Variants in MAD1L1 observed in about 807,000 individuals in gnomAD.
MAD1L1 encodes mitotic spindle assembly checkpoint protein MAD1.
Under a neutral mutation model 96.9 loss-of-function variants are expected in MAD1L1, and 95 were observed. The observed-to-expected ratio is 0.98, with a 90% CI of 0.83 to 1.16. The LOEUF (loss-of-function observed/expected upper bound fraction) is 1.16. MAD1L1 is among the 50% of genes most tolerant of loss of function. The pLI is 0.00. For missense variants in MAD1L1, 1,007 were observed against 954.4 expected, an observed-to-expected ratio of 1.06 and a Z score of -0.73; for synonymous variants, 473 against 396.6, an observed-to-expected ratio of 1.19 and a Z score of -2.29.
At chr7:1,847,413 T>C (rs535390105) in intron 18 of MAD1L1, 5 of 470,756 alleles carry the variant, frequency 1.1e-5, no homozygotes, top group East Asian at 1.4e-4. Flanking sequence ...GGGGGCCCGA[T>C]GTATCTACCA....
At chr7:2,152,173 C>T (rs1789609192) in intron 10 of MAD1L1, among the ~76,000 whole-genome samples, 1 of 152,264 alleles carries the variant, frequency 6.6e-6, no homozygotes, top group Admixed American at 6.5e-5. Context: ...CTCGGGAGCA[C>T]TGTCACGTGA....
intron 11 of MAD1L1, among the ~76,000 whole-genome samples, chr7:2,105,784 C>T (rs1421383355): frequency 6.6e-6 from 1 of 152,094 alleles, no homozygotes; most frequent in Admixed American, 6.5e-5. Context: ...CAGCCAAAAC[C>T]CCAGTACCAC....
chr7:1,888,478 A>ATG (rs1786310681), intron 18 of MAD1L1, among the ~76,000 whole-genome samples: 1 of 119,376 alleles, frequency 8.4e-6, no homozygotes, highest in Non-Finnish European at 1.7e-5. Flanking sequence ...CTGCCTGTTC[A>ATG]TGTGTGCATG....
intron 8 of MAD1L1, 22 bp from the exon 9 acceptor site, chr7:2,216,021 G>A (rs752965293): frequency 3.6e-5 from 58 of 1,612,606 alleles, no homozygotes; most frequent in South Asian, 5.5e-5. Context: ...ACAAAGAGTC[G>A]CTCAAATAGC....
chr7:1,858,523 G>C (rs1784368197), intron 18 of MAD1L1, among the ~76,000 whole-genome samples: 1 of 152,196 alleles, frequency 6.6e-6, no homozygotes. Flanking sequence ...ACACCTGAGG[G>C]ACAGGCGTCC....
intron 11 of MAD1L1, among the ~76,000 whole-genome samples, chr7:2,080,933 T>G (rs1466193151): frequency 2.0e-5 from 3 of 152,156 alleles, no homozygotes; most frequent in Non-Finnish European, 4.4e-5. Context: ...TGGCCTGCAC[T>G]TTGTGACATT....
chr7:2,053,087 C>G (rs1234826932), intron 12 of MAD1L1, among the ~76,000 whole-genome samples: 1 of 152,246 alleles, frequency 6.6e-6, no homozygotes, highest in Non-Finnish European at 1.5e-5. Context: ...TACCCTCCTG[C>G]TCTGCCACTG....
intron 11 of MAD1L1, among the ~76,000 whole-genome samples, chr7:2,122,895 G>T (rs1788046913): frequency 6.6e-6 from 1 of 152,228 alleles, no homozygotes; most frequent in Non-Finnish European, 1.5e-5. Flanking sequence ...TCCACCCAGC[G>T]CCCCTCCCAG....
intron 18 of MAD1L1, among the ~76,000 whole-genome samples, chr7:1,852,229 G>A (rs1208049851): frequency 6.6e-6 from 1 of 152,212 alleles, no homozygotes; most frequent in East Asian, 1.9e-4. Flanking sequence ...CTGACCTGGC[G>A]AGAGGCACCG....
intron 14 of MAD1L1, among the ~76,000 whole-genome samples, chr7:1,999,120 A>C (rs1438897283): frequency 6.6e-6 from 1 of 152,212 alleles, no homozygotes; most frequent in Admixed American, 6.5e-5. Flanking sequence ...GCCATCTCAG[A>C]TGAGGGCAGA....
intron 18 of MAD1L1, among the ~76,000 whole-genome samples, chr7:1,895,803 C>T (rs898856434): frequency 1.3e-5 from 2 of 152,248 alleles, no homozygotes; most frequent in Non-Finnish European, 2.9e-5. Flanking sequence ...TCAGGACCTG[C>T]AAAGTCACAT....
chr7:2,171,239 G>T (rs1443919213), intron 10 of MAD1L1, among the ~76,000 whole-genome samples: 1 of 152,240 alleles, frequency 6.6e-6, no homozygotes, highest in East Asian at 1.9e-4. Flanking sequence ...CCAATTTAAA[G>T]ATGAAAACAT....
intron 5 of MAD1L1, among the ~76,000 whole-genome samples, chr7:2,220,149 A>G (rs887921133): frequency 6.6e-6 from 1 of 152,212 alleles, no homozygotes; most frequent in South Asian, 2.1e-4. Context: ...CCAACAGGAC[A>G]AAGACGGAGG....
At chr7:1,874,844 C>T (rs1232635255) in intron 18 of MAD1L1, among the ~76,000 whole-genome samples, 1 of 151,994 alleles carries the variant, frequency 6.6e-6, no homozygotes. Context: ...GAGGGGAAGG[C>T]AGGGAGAGAA....
At chr7:1,908,649 C>G (rs978598462) in intron 17 of MAD1L1, among the ~76,000 whole-genome samples, 11 of 152,158 alleles carry the variant, frequency 7.2e-5, no homozygotes, top group South Asian at 2.1e-4. Flanking sequence ...GTGTGAGCCC[C>G]GCACCCGGCC....
intron 9 of MAD1L1, 149 bp from the exon 10 acceptor site, chr7:2,213,422 G>C: frequency 1.4e-6 from 1 of 711,674 alleles, no homozygotes; most frequent in Non-Finnish European, 2.5e-6. Flanking sequence ...CTCCAAGTCT[G>C]CTTGGAAGTG....
intron 11 of MAD1L1, among the ~76,000 whole-genome samples, chr7:2,141,935 C>T (rs1349609695): frequency 6.6e-6 from 1 of 152,208 alleles, no homozygotes; most frequent in Non-Finnish European, 1.5e-5. Context: ...CAGAGGCCAC[C>T]AGCCAGGCCA....
intron 11 of MAD1L1, among the ~76,000 whole-genome samples, chr7:2,134,716 A>G (rs1788673151): frequency 6.6e-6 from 1 of 152,148 alleles, no homozygotes; most frequent in East Asian, 1.9e-4. Flanking sequence ...GTCTCTGGAG[A>G]GGCCACCCTC....
intron 11 of MAD1L1, among the ~76,000 whole-genome samples, chr7:2,104,984 A>C (rs943146578): frequency 2.0e-5 from 3 of 152,196 alleles, no homozygotes; most frequent in African/African-American, 7.2e-5. Flanking sequence ...GGAACTACGC[A>C]CAGCCCGCCT....
Sources: gnomAD v4.1 joint callset for allele counts (sites outside exome capture counted in the v4.1 genomes callset) on GRCh38, gnomAD v4.1.1 for gene constraint, MANE v1.5 for transcripts, NCBI Gene and HGNC (gene_info 2026-07-23, HGNC 2026-07-21) for gene names.